The following MORN1 variants were observed in gnomAD, a reference collection of about 807,000 sequenced individuals.
The protein encoded by MORN1 is MORN repeat-containing protein 1.
MORN1 carries 67 observed loss-of-function variants against 61.9 expected under a neutral mutation model. The ratio of observed to expected loss-of-function variants is 1.08; its 90% CI spans 0.89 to 1.33. MORN1 has a LOEUF of 1.33. Among genes scored for constraint, MORN1 ranks in the 40% most tolerant of loss-of-function variants. The pLI, the probability that MORN1 is intolerant of heterozygous loss-of-function variation, is 0.00. For missense variants in MORN1, 752 were observed against 691.2 expected (o/e 1.09, Z -0.99); for synonymous variants, 301 against 292.0 (o/e 1.03, Z -0.31).
Position 2,357,629 on chromosome 1 carries a change from C to T in MORN1, c.870-31G>A. ...AAGGAATGGGGGCAGCTTGGCTCTA[C>T]TCACCCCACACCAAACTAGGGTGCA... On this transcript the variant is annotated intron_variant, in intron 9 of 13. Coordinates refer to ENST00000378531, the MANE Select transcript of MORN1 (RefSeq NM_024848.3). The surrounding 1 kb of genome is among the most constrained non-coding windows in gnomAD (Gnocchi z 6.3). 1.3e-6 allele frequency: 2 copies of T among 1,558,570 alleles called. No homozygotes were observed. The highest frequency in any genetic ancestry group is 1.2e-5 in the South Asian group (1 of 84,076).
At chr1:2,325,136 C>CTCCCT (rs1640984436) in intron 12 of MORN1, among the ~76,000 whole-genome samples, 2 of 5,324 alleles carry the variant, frequency 3.8e-4, no homozygotes, top group Admixed American at 1.9e-3. Flanking sequence ...CCTTCCTTCC[C>CTCCCT]TCCCTCCCTC....
rs1265832935 is a variant in MORN1 at position 2,374,576 on chromosome 1, G to A, written c.538-19C>T. On this transcript the variant is annotated intron_variant, in intron 6 of 13. Coordinates refer to ENST00000378531, the MANE Select transcript of MORN1 (RefSeq NM_024848.3). ...ACTGTCCCTGCAGAGAGAAGGGTGAGGCTCAGGCTGGTGGCTCCCAAGGGG... is the reference window on the plus strand; with the variant it reads ...ACTGTCCCTGCAGAGAGAAGGGTGAAGCTCAGGCTGGTGGCTCCCAAGGGG... 2.5e-6 allele frequency: 4 copies of A among 1,568,794 alleles called. No homozygotes were observed. Among genetic ancestry groups the A allele is most frequent in the African/African-American group, 2.7e-5 (2 of 74,270 alleles).
At chr1:2,374,213 C>A (rs866020429) in intron 7 of MORN1, among the ~76,000 whole-genome samples, 2 of 152,204 alleles carry the variant, frequency 1.3e-5, no homozygotes, top group South Asian at 4.1e-4. Flanking sequence ...TGGGGGACAG[C>A]GCAGCCATGA....
chr1:2,387,292 CT>C, intron 4 of MORN1, 126 bp downstream of exon 4: 2 of 744,314 alleles, frequency 2.7e-6, no homozygotes, highest in Non-Finnish European at 4.8e-6. Flanking sequence ...CATGGGCCCC[CT>C]ACCTCCTTTC....
chr1:2,322,163 C>T (rs920329010), intron 13 of MORN1: 1 of 985,376 alleles, frequency 1.0e-6, no homozygotes. Context: ...AGTACTTTTC[C>T]TTTCACAGTC....
At chr1:2,382,968 C>T (rs530432990) in intron 6 of MORN1, among the ~76,000 whole-genome samples, 1 of 152,220 alleles carries the variant, frequency 6.6e-6, no homozygotes, top group Non-Finnish European at 1.5e-5. Flanking sequence ...CTGCACCTCC[C>T]GCCTGACCAC....
At chr1:2,347,059 A>G (rs904970713) in intron 10 of MORN1, among the ~76,000 whole-genome samples, 2 of 152,066 alleles carry the variant, frequency 1.3e-5, no homozygotes, top group African/African-American at 4.8e-5. Flanking sequence ...GGAGATGGGG[A>G]ACTTCTTGGG....
At chr1:2,377,173 G>A (rs10910062) in intron 6 of MORN1, 7,264 of 152,486 alleles carry the variant, frequency 0.048, 372 homozygotes, top group African/African-American at 0.12. Context: ...CAGGTGTGCG[G>A]TACGGGACAC....
In MORN1 at chr1:2,321,586, G is replaced by T; in HGVS notation, c.1298-7C>A. The T allele has an allele frequency of 1.4e-6, 2 of 1,472,402 alleles. No homozygotes were observed. The highest frequency in any genetic ancestry group is 2.8e-5 in the South Asian group (2 of 72,574). 91.2% of individuals were successfully genotyped at this position (1,472,402 alleles called of 1,614,324 possible). A position where few individuals can be genotyped will look rare whatever the true frequency, so the allele number is the denominator to read the frequency against. On this transcript the variant is annotated splice_polypyrimidine_tract_variant and splice_region_variant and intron_variant, in intron 13 of 13. Transcript: ENST00000378531. ...ATCATGAGCACGTACTCCCCTGCAA[G>T]GGGCGGGTGGGCTGGTCCTCAGCAG... is the stretch of plus-strand genomic sequence containing the variant.
At chr1:2,349,527 T>C (rs1641601705) in intron 10 of MORN1, among the ~76,000 whole-genome samples, 1 of 152,242 alleles carries the variant, frequency 6.6e-6, no homozygotes, top group African/African-American at 2.4e-5. Context: ...ACTGTATTTT[T>C]CTGGGACAGT....
chr1:2,380,238 C>T (rs1211549232), intron 6 of MORN1, among the ~76,000 whole-genome samples: 1 of 152,172 alleles, frequency 6.6e-6, no homozygotes, highest in African/African-American at 2.4e-5. Context: ...GGAGTTCGTG[C>T]TGGATGGGGA....
chr1:2,348,447 C>A (rs1641562042), intron 10 of MORN1, among the ~76,000 whole-genome samples: 1 of 152,164 alleles, frequency 6.6e-6, no homozygotes, highest in African/African-American at 2.4e-5. Flanking sequence ...GGGGAAGTGC[C>A]TCCATCCTGC....
intron 8 of MORN1, among the ~76,000 whole-genome samples, chr1:2,366,616 C>A (rs2100325031): frequency 6.6e-6 from 1 of 152,252 alleles, no homozygotes; most frequent in Non-Finnish European, 1.5e-5. Flanking sequence ...CTCCGCCTCC[C>A]AGGTTCAAGC....
intron 8 of MORN1, among the ~76,000 whole-genome samples, chr1:2,360,663 C>G (rs949749564): frequency 6.6e-6 from 1 of 152,220 alleles, no homozygotes; most frequent in Non-Finnish European, 1.5e-5. Context: ...AGGGAGGACC[C>G]TGCAGCCCGC....
chr1:2,333,683 C>G (rs889306167), intron 12 of MORN1, among the ~76,000 whole-genome samples: 3 of 152,234 alleles, frequency 2.0e-5, no homozygotes, highest in Admixed American at 1.3e-4. Flanking sequence ...ACCCCATTCA[C>G]AAGCATGTCT....
chr1:2,331,273 C>T (rs150228143), intron 12 of MORN1, among the ~76,000 whole-genome samples: 1 of 152,310 alleles, frequency 6.6e-6, no homozygotes, highest in Non-Finnish European at 1.5e-5. Flanking sequence ...GACCCCTCTC[C>T]TGGTCAGCAC....
At chr1:2,336,379 C>T (rs892075744) in intron 12 of MORN1, 90 bp downstream of exon 12, 4 of 1,352,958 alleles carry the variant, frequency 3.0e-6, no homozygotes, top group Non-Finnish European at 4.1e-6. Context: ...CCCTTGGCTC[C>T]CCTGGGCCTT....
intron 12 of MORN1, among the ~76,000 whole-genome samples, chr1:2,330,131 T>C (rs1641118252): frequency 6.6e-6 from 1 of 152,152 alleles, no homozygotes; most frequent in African/African-American, 2.4e-5. Context: ...GGCACAGGCC[T>C]CCCCACCTGG....
chr1:2,345,126 C>T (rs924306622), intron 10 of MORN1, among the ~76,000 whole-genome samples: 2 of 152,096 alleles, frequency 1.3e-5, no homozygotes, highest in Non-Finnish European at 2.9e-5. Context: ...ACATGTGCCC[C>T]GAAGACAACG....
Sources: gnomAD v4.1 joint callset for allele counts (sites outside exome capture counted in the v4.1 genomes callset) on GRCh38, gnomAD v4.1.1 for gene constraint, Gnocchi (gnomAD v3.1) non-coding constraint, MANE v1.5 for transcripts, NCBI Gene and HGNC (gene_info 2026-07-23, HGNC 2026-07-21) for gene names.